MYH14: variants seen among roughly 807,000 people sequenced by gnomAD.
MYH14 encodes myosin heavy chain 14.
MYH14 carries 123 observed loss-of-function variants against 255.5 expected under a neutral mutation model. The observed-to-expected ratio is 0.48, with a 90% CI of 0.42 to 0.56. The LOEUF (loss-of-function observed/expected upper bound fraction) is 0.56, where lower values mean the gene tolerates loss of function less well. Among genes scored for constraint, MYH14 ranks in the 20% least tolerant of loss-of-function variants. The probability of loss-of-function intolerance (pLI) is 0.00; values close to 1 mark genes in which losing one functional copy is unlikely to be tolerated. For missense variants in MYH14, 2,423 were observed against 2,802.3 expected (o/e 0.86, Z 3.06); for synonymous variants, 1,095 against 1,161.2 (o/e 0.94, Z 1.16).
At chr19:50,246,442 C>A (rs554664024) in intron 11 of MYH14, among the ~76,000 whole-genome samples, 2 of 152,178 alleles carry the variant, frequency 1.3e-5, no homozygotes, top group South Asian at 2.1e-4. Flanking sequence ...CACCGTGCCC[C>A]GCCTCCAGTG....
chr19:50,295,190 T>C (rs941808117), intron 39 of MYH14, among the ~76,000 whole-genome samples: 2 of 151,372 alleles, frequency 1.3e-5, no homozygotes, highest in African/African-American at 4.9e-5. Flanking sequence ...CCGGGCATGG[T>C]GGCATGTACC....
intron 39 of MYH14, among the ~76,000 whole-genome samples, chr19:50,294,382 T>C (rs1380217438): frequency 6.6e-6 from 1 of 151,524 alleles, no homozygotes; most frequent in African/African-American, 2.4e-5. Flanking sequence ...AACAGAGTGA[T>C]GGGATTTCCA....
chr19:50,215,018 C>CA (rs533388395), intron 2 of MYH14, among the ~76,000 whole-genome samples: 16 of 151,940 alleles, frequency 1.1e-4, no homozygotes, highest in African/African-American at 3.6e-4. Context: ...CTGAGGGGAG[C>CA]GGGGGGGCAG....
intron 40 of MYH14, among the ~76,000 whole-genome samples, chr19:50,305,704 G>T (rs1355064662): frequency 6.6e-6 from 1 of 151,666 alleles, no homozygotes; most frequent in African/African-American, 2.4e-5. Flanking sequence ...GAGGCAGGAG[G>T]ATCACTTGAA....
chr19:50,235,725 A>G (rs1355212950), intron 10 of MYH14, among the ~76,000 whole-genome samples: 1 of 151,804 alleles, frequency 6.6e-6, no homozygotes, highest in Non-Finnish European at 1.5e-5. Flanking sequence ...AGGAGACTAC[A>G]GTGAGCTATG....
chr19:50,230,194 T>G lies in MYH14; in HGVS notation c.875-331T>G, dbSNP rs1463668775. 6.6e-6 allele frequency among the ~76,000 whole-genome samples: 1 copy of G among 152,158 alleles called. No individual in the cohort carries two copies. The highest frequency in any genetic ancestry group is 1.5e-5 in the Non-Finnish European group (1 of 68,030). ...TTCCAAAGTGTTGGGATTACAGGCG[T>G]GAGCCACTGCGCCCACAGGGTTGAT... On this transcript the variant is annotated intron_variant, in intron 8 of 42. Coordinates refer to ENST00000642316, the MANE Select transcript of MYH14 (RefSeq NM_001145809.2). The surrounding 1 kb of genome is among the most constrained non-coding windows in gnomAD (Gnocchi z 4.7).
intron 1 of MYH14, among the ~76,000 whole-genome samples, chr19:50,207,504 C>A (rs117172914): frequency 0.016 from 2,403 of 152,058 alleles, 27 homozygotes; most frequent in Middle Eastern, 0.034. Flanking sequence ...CTGGATCCAC[C>A]CCTAGGCCAG....
chr19:50,278,232 G>T lies in MYH14; in HGVS notation c.3975G>T (p.Arg1325=). The change falls in exon 30 of 43, where the codon CGG becomes CGT. Residue 1325 remains arginine, a synonymous_variant. Coordinates refer to ENST00000642316, the MANE Select transcript of MYH14 (RefSeq NM_001145809.2). The part of the protein sequence containing the change: ...LELQLQEVQG[R]AGDGERARAE... ...TACAGCTGCAGGAGGTGCAGGGCCG[G>T]GCTGGTGATGGGGAGAGGGCACGAG... 1 of 1,599,742 alleles carries T rather than the reference G, an allele frequency of 6.3e-7. No homozygotes were observed. Among genetic ancestry groups the T allele is most frequent in the Non-Finnish European group, 8.5e-7 (1 of 1,174,174 alleles).
intron 10 of MYH14, among the ~76,000 whole-genome samples, chr19:50,241,557 A>G (rs1345976196): frequency 6.6e-6 from 1 of 152,170 alleles, no homozygotes; most frequent in Non-Finnish European, 1.5e-5. Flanking sequence ...AAGGTGATCA[A>G]TTTTGATTGA....
At chr19:50,269,753 G>A (rs1339980641) in intron 24 of MYH14, among the ~76,000 whole-genome samples, 2 of 152,190 alleles carry the variant, frequency 1.3e-5, no homozygotes, top group Non-Finnish European at 2.9e-5. Flanking sequence ...TCCATGGGCT[G>A]GCAGGGAGCT....
intron 10 of MYH14, among the ~76,000 whole-genome samples, chr19:50,242,865 T>A (rs1246026431): frequency 6.6e-6 from 1 of 152,168 alleles, no homozygotes; most frequent in African/African-American, 2.4e-5. Context: ...TCTCATACTG[T>A]ACAGTGTCCT....
At chr19:50,209,822 G>A (rs1022253602) in intron 1 of MYH14, among the ~76,000 whole-genome samples, 1 of 149,556 alleles carries the variant, frequency 6.7e-6, no homozygotes, top group African/African-American at 2.5e-5. Flanking sequence ...CCGGGGCCGG[G>A]TGTGGTAGCT....
In MYH14 at chr19:50,217,626, C is replaced by T. The variant is rs1195149337; in HGVS notation, c.417C>T (p.Gly139=). The T allele has an allele frequency of 6.2e-7, 1 of 1,614,078 alleles. No individual in the cohort carries two copies. The change falls in exon 3 of 43, where the codon GGC becomes GGT. Residue 139 remains glycine, a synonymous_variant. Transcript: ENST00000642316. ...CTCACCCACTGCAGACGTACTCCGGCCTTTTCTGTGTGGTCATCAACCCGT... is the reference window on the plus strand; with the variant it reads ...CTCACCCACTGCAGACGTACTCCGGTCTTTTCTGTGTGGTCATCAACCCGT... ...YYSGLIYTYS[G]LFCVVINPYK...
chr19:50,301,076 G>C (rs573124912), intron 39 of MYH14, among the ~76,000 whole-genome samples: 68 of 152,306 alleles, frequency 4.5e-4, no homozygotes, highest in African/African-American at 1.6e-3. Context: ...AGAAGGCCTC[G>C]CTCAGAGTAC....
At position 50,278,105 on chromosome 19, in the gene MYH14, C is replaced by A. The variant is rs754505777; in HGVS notation, c.3848C>A (p.Thr1283Asn). 3.1e-6 allele frequency: 5 copies of A among 1,591,924 alleles called. No homozygotes were observed. Among genetic ancestry groups the A allele is most frequent in the Non-Finnish European group, 3.4e-6 (4 of 1,164,550 alleles). Residue 1283 changes from threonine (T) to asparagine (N), a missense_variant, in exon 30 of 43, where the codon ACC becomes AAC. By Grantham distance (65) the Thr-to-Asn change is moderately conservative. This residue lies in a region of MYH14 where 1,513 missense variants were observed against 1,674.8 expected (regional missense o/e 0.90). Coordinates refer to ENST00000642316, the MANE Select transcript of MYH14 (RefSeq NM_001145809.2). Reference sequence around the variant, plus strand: ...CAGGGCAAAGGTGCATGGGAGAAGACCCGGCTGGCCCTGGAGGCCGAGGTG... The same window carrying A: ...CAGGGCAAAGGTGCATGGGAGAAGAACCGGCTGGCCCTGGAGGCCGAGGTG... ...ARRGKGAWEK[T>N]RLALEAEVSE... is the part of the protein sequence containing the mutation.
chr19:50,287,252 G>C (rs181220707), intron 34 of MYH14, among the ~76,000 whole-genome samples: 139 of 152,350 alleles, frequency 9.1e-4, no homozygotes, highest in Non-Finnish European at 7.9e-4. Context: ...ATTCACCAGA[G>C]GCAGGTCTTC....
chr19:50,217,101 GC>G (rs997048933), intron 2 of MYH14, among the ~76,000 whole-genome samples: 1 of 151,954 alleles, frequency 6.6e-6, no homozygotes, highest in African/African-American at 2.4e-5. Flanking sequence ...GAGCCACCGT[GC>G]CCGGCCCTCC....
intron 33 of MYH14, chr19:50,284,772 A>G (rs992075566): frequency 1.3e-5 from 2 of 152,010 alleles, no homozygotes; most frequent in Non-Finnish European, 2.9e-5. Flanking sequence ...ATTTTTACAT[A>G]TGATGCTATC....
chr19:50,278,050 C>A, intron 29 of MYH14, 33 bp from the exon 30 acceptor site: 1 of 1,497,710 alleles, frequency 6.7e-7, no homozygotes. Flanking sequence ...GGAAAGGCCT[C>A]ATAGATCTTT....
Sources: allele counts gnomAD v4.1 joint callset (sites outside exome capture counted in the v4.1 genomes callset), GRCh38; gene constraint gnomAD v4.1.1; regional missense constraint gnomAD v4.1.1; non-coding constraint Gnocchi (gnomAD v3.1); transcripts MANE v1.5; gene names NCBI Gene and HGNC (gene_info 2026-07-23, HGNC 2026-07-21).